Variants in GREB1L observed in about 807,000 individuals in gnomAD.
GREB1L encodes the protein GREB1 like retinoic acid receptor coactivator, also known as GREB1-like protein.
In GREB1L, 17 loss-of-function variants were observed where a neutral mutation model predicts 200.8. That is an observed-to-expected ratio of 0.08 (90% confidence interval 0.06 to 0.13). The LOEUF is 0.13. GREB1L is among the 10% of genes least tolerant of loss of function. The pLI is 1.00. For synonymous variants in GREB1L, 789 were observed against 893.0 expected, an observed-to-expected ratio of 0.88 and a Z score of 2.08; for missense variants, 1,657 against 2,367.7, an observed-to-expected ratio of 0.70 and a Z score of 6.23.
At chr18:21,421,803 G>T (rs1365211971) in intron 7 of GREB1L, among the ~76,000 whole-genome samples, 3 of 152,142 alleles carry the variant, frequency 2.0e-5, no homozygotes, top group African/African-American at 7.2e-5. Context: ...CTCTCTACTG[G>T]CTACGTAATT....
intron 23 of GREB1L, among the ~76,000 whole-genome samples, chr18:21,501,949 G>A (rs1324101712): frequency 3.3e-5 from 5 of 152,142 alleles, no homozygotes; most frequent in East Asian, 1.9e-4. Context: ...CCACTCTGCC[G>A]CTAAGAGCAG....
intron 1 of GREB1L, among the ~76,000 whole-genome samples, chr18:21,251,741 A>G (rs760416831): frequency 3.9e-5 from 6 of 152,182 alleles, no homozygotes; most frequent in Non-Finnish European, 8.8e-5. Flanking sequence ...GGTCAGGAGT[A>G]CAAGACTAGC....
At chr18:21,390,232 AT>A (rs1484316083) in intron 4 of GREB1L, among the ~76,000 whole-genome samples, 1 of 152,004 alleles carries the variant, frequency 6.6e-6, no homozygotes, top group Non-Finnish European at 1.5e-5. Flanking sequence ...AATAAATGTT[AT>A]TTTTTATTAC....
intron 27 of GREB1L, among the ~76,000 whole-genome samples, chr18:21,510,909 T>C (rs2037214737): frequency 6.6e-6 from 1 of 152,192 alleles, no homozygotes; most frequent in Admixed American, 6.5e-5. Context: ...TGATTAGTAA[T>C]ATTGAACATC....
chr18:21,499,460 G>A (rs2036684310), intron 21 of GREB1L, among the ~76,000 whole-genome samples: 1 of 152,184 alleles, frequency 6.6e-6, no homozygotes, highest in Non-Finnish European at 1.5e-5. Flanking sequence ...GAGAAAGGTG[G>A]TTCACCCCTG....
chr18:21,339,629 C>G (rs1302255205), intron 1 of GREB1L, among the ~76,000 whole-genome samples: 2 of 152,320 alleles, frequency 1.3e-5, no homozygotes, highest in African/African-American at 2.4e-5. Flanking sequence ...ATGAAAGGCT[C>G]TATCTCATAA....
chr18:21,340,879 C>A (rs1360567591), intron 1 of GREB1L, among the ~76,000 whole-genome samples: 1 of 152,152 alleles, frequency 6.6e-6, no homozygotes, highest in East Asian at 1.9e-4. Context: ...TGAAAGAATT[C>A]TATAAAGTAG....
chr18:21,411,672 C>T (rs1289856189), intron 7 of GREB1L, among the ~76,000 whole-genome samples: 1 of 152,102 alleles, frequency 6.6e-6, no homozygotes, highest in Non-Finnish European at 1.5e-5. Context: ...TATATGTGCA[C>T]CAAGAGGTAT....
At chr18:21,474,021 G>C (rs574348673) in intron 16 of GREB1L, among the ~76,000 whole-genome samples, 1 of 152,152 alleles carries the variant, frequency 6.6e-6, no homozygotes, top group Non-Finnish European at 1.5e-5. Flanking sequence ...CTCCCACTGG[G>C]TCCCTCCCAC....
Position 21,444,339 on chromosome 18 carries a change from G to A in GREB1L, c.1323G>A (p.Gly441=). ...QLENKDLEKL[G]LTGSQFLSVE... ...AAAACAAAGATTTGGAAAAATTAGG[G>A]TTGACCGGCAGCCAATTTCTGAGCG... Residue 441 remains glycine (G), a synonymous_variant, in exon 11 of 33, where the codon GGG becomes GGA. Coordinates refer to ENST00000424526, the MANE Select transcript of GREB1L (RefSeq NM_001142966.3). 1 of 1,552,224 alleles carries A rather than the reference G, an allele frequency of 6.4e-7. No individual in the cohort carries two copies. The highest frequency in any genetic ancestry group is 8.7e-7 in the Non-Finnish European group (1 of 1,147,056).
intron 7 of GREB1L, among the ~76,000 whole-genome samples, chr18:21,426,682 G>T (rs2032604227): frequency 6.6e-6 from 1 of 152,144 alleles, no homozygotes; most frequent in Non-Finnish European, 1.5e-5. Context: ...TCGCTGTCCA[G>T]ATGCGGTGGC....
chr18:21,399,288 T>C lies in GREB1L; in HGVS notation c.533-1862T>C, dbSNP rs78197388. Among the ~76,000 whole-genome samples the C allele has an allele frequency of 8.0e-3, 1,217 of 152,336 alleles. 15 individuals are homozygous for C. The highest frequency in any genetic ancestry group is 0.028 in the African/African-American group (1,144 of 41,578). On this transcript the variant is annotated intron_variant, in intron 5 of 32. Transcript: ENST00000424526. ...TATCTACTTCACAGGTCAGGCAGTTTTCCATGAAGATGCCATAATCAGACC... is the reference window on the plus strand; with the variant it reads ...TATCTACTTCACAGGTCAGGCAGTTCTCCATGAAGATGCCATAATCAGACC...
At chr18:21,333,236 G>T (rs748138981) in intron 1 of GREB1L, among the ~76,000 whole-genome samples, 3 of 152,016 alleles carry the variant, frequency 2.0e-5, no homozygotes, top group African/African-American at 7.3e-5. Flanking sequence ...GCATGCACTG[G>T]GTTCATTTAT....
At chr18:21,411,852 T>C (rs904881567) in intron 7 of GREB1L, among the ~76,000 whole-genome samples, 12 of 151,184 alleles carry the variant, frequency 7.9e-5, no homozygotes, top group African/African-American at 2.9e-4. Context: ...GAGACCATCC[T>C]GGCTAACACG....
At chr18:21,509,089 T>C (rs1338283046) in intron 27 of GREB1L, among the ~76,000 whole-genome samples, 2 of 152,230 alleles carry the variant, frequency 1.3e-5, no homozygotes, top group Admixed American at 6.5e-5. Flanking sequence ...GGAATGTGCC[T>C]GAAAGAAGTC....
chr18:21,399,693 C>T (rs1287140778), intron 5 of GREB1L, among the ~76,000 whole-genome samples: 5 of 152,076 alleles, frequency 3.3e-5, no homozygotes, highest in Non-Finnish European at 7.4e-5. Flanking sequence ...TATAAAGTGG[C>T]GGTAATAAGT....
intron 1 of GREB1L, among the ~76,000 whole-genome samples, chr18:21,341,352 G>A (rs879829659): frequency 3.9e-5 from 6 of 152,096 alleles, no homozygotes; most frequent in Admixed American, 3.3e-4. Flanking sequence ...GTGGGGAGCC[G>A]TGCCTCTCAT....
intron 16 of GREB1L, among the ~76,000 whole-genome samples, chr18:21,475,503 C>T (rs1262692014): frequency 6.6e-6 from 1 of 152,036 alleles, no homozygotes; most frequent in Non-Finnish European, 1.5e-5. Context: ...GGATTACAGA[C>T]GCCCGCCACA....
At chr18:21,397,808 C>T (rs933242981) in intron 5 of GREB1L, among the ~76,000 whole-genome samples, 1 of 152,106 alleles carries the variant, frequency 6.6e-6, no homozygotes, top group African/African-American at 2.4e-5. Flanking sequence ...CAGTGAAGAT[C>T]CAACTACTCG....
Sources: gnomAD v4.1 joint callset for allele counts (sites outside exome capture counted in the v4.1 genomes callset) on GRCh38, gnomAD v4.1.1 for gene constraint, MANE v1.5 for transcripts, NCBI Gene and HGNC (gene_info 2026-07-23, HGNC 2026-07-21) for gene names.